The following CDC42BPB variants were observed in gnomAD, a reference collection of about 807,000 sequenced individuals.
CDC42BPB encodes serine/threonine-protein kinase MRCK beta.
CDC42BPB carries 37 observed loss-of-function variants against 214.9 expected under a neutral mutation model. The observed-to-expected ratio is 0.17, with a 90% CI of 0.13 to 0.23. The LOEUF (loss-of-function observed/expected upper bound fraction) is 0.23. Ranked by LOEUF, CDC42BPB falls within the 10% of genes least tolerant of loss-of-function variation. CDC42BPB has a pLI of 1.00. For synonymous variants in CDC42BPB, 931 were observed against 884.0 expected (o/e 1.05, Z -0.94); for missense variants, 1,694 against 2,227.0 (o/e 0.76, Z 4.82).
intron 1 of CDC42BPB, among the ~76,000 whole-genome samples, chr14:103,014,918 G>A (rs764959931): frequency 3.3e-5 from 5 of 152,162 alleles, no homozygotes; most frequent in Non-Finnish European, 4.4e-5. Context: ...GAAGCAGTTC[G>A]CACCAAGGCT....
intron 1 of CDC42BPB, chr14:103,041,679 C>A: frequency 1.8e-6 from 1 of 555,572 alleles, no homozygotes. Context: ...AGGTGCGCAC[C>A]GGCCGCAGCT....
chr14:102,969,246 G>A (rs999912625), intron 14 of CDC42BPB, among the ~76,000 whole-genome samples: 2 of 152,248 alleles, frequency 1.3e-5, no homozygotes, highest in African/African-American at 4.8e-5. Flanking sequence ...GGACGTGTTG[G>A]CAGTGTTTGC....
Position 103,057,058 on chromosome 14 carries a change from G to A in CDC42BPB, c.116C>T (p.Thr39Ile). The A allele has an allele frequency of 6.6e-7, 1 of 1,524,406 alleles. No individual in the cohort carries two copies. 94.4% of individuals were successfully genotyped at this position (1,524,406 alleles called of 1,614,324 possible). A position where few individuals can be genotyped will look rare whatever the true frequency, so the allele number is the denominator to read the frequency against. ...TLLDVLVCLY[T>I]ECSHSALRRD... ...GCGCAGGGCCGAGTGGCTGCACTCG[G>A]TGTACAGGCAGACGAGCACGTCGAG... The change falls in exon 1 of 37, where the codon ACC becomes ATC. Residue 39 changes from threonine to isoleucine, a missense_variant. By Grantham distance (89) the Thr-to-Ile change is moderately conservative. Around this residue, in one of 7 missense-constraint regions of CDC42BPB, gnomAD observed 83 missense variants for 79.9 expected, o/e 1.04. Transcript: ENST00000361246.
At chr14:103,003,819 A>C (rs776222710) in intron 4 of CDC42BPB, 109 bp downstream of exon 4, 34 of 813,998 alleles carry the variant, frequency 4.2e-5, no homozygotes, top group Admixed American at 7.8e-5. Context: ...AGTCCAATAC[A>C]CATTTTTTAA....
chr14:103,016,336 G>A (rs1181169821), intron 1 of CDC42BPB, among the ~76,000 whole-genome samples: 7 of 152,240 alleles, frequency 4.6e-5, no homozygotes, highest in Admixed American at 1.3e-4. Flanking sequence ...GCTGCAAGTC[G>A]TCCTCCCGCC....
At position 102,939,964 on chromosome 14, in the gene CDC42BPB, C is replaced by T. The variant is rs369556425; in HGVS notation, c.4592-17G>A. 8 of 1,613,676 alleles carry T rather than the reference C, an allele frequency of 5.0e-6. No individual in the cohort carries two copies. Among genetic ancestry groups the T allele is most frequent in the East Asian group, 2.2e-5 (1 of 44,884 alleles). ...GAACCGCTCCTGCAGAAGCAGAGCG[C>T]GCGGTGACGGTGCTGCGGCACCAGG... is the stretch of plus-strand genomic sequence containing the variant. On this transcript the variant is annotated splice_polypyrimidine_tract_variant and intron_variant, in intron 32 of 36. Coordinates refer to ENST00000361246, the MANE Select transcript of CDC42BPB (RefSeq NM_006035.4).
At chr14:102,954,794 G>C in intron 21 of CDC42BPB, 106 bp from the exon 22 acceptor site, 1 of 1,485,458 alleles carries the variant, frequency 6.7e-7, no homozygotes, top group Non-Finnish European at 9.0e-7. Context: ...GTCTAGCCCA[G>C]AAGTCCCAGC....
rs530365890 is a variant in CDC42BPB, at chr14:102,981,347, G to A, written c.892-326C>T. On this transcript the variant is annotated intron_variant, in intron 7 of 36. Transcript: ENST00000361246. Reference sequence around the variant, plus strand: ...AGCCCCGTCAGAATGCACAGTGCACGCGTCACGGCAGCTCCGCTTCTGGAA... The same window carrying A: ...AGCCCCGTCAGAATGCACAGTGCACACGTCACGGCAGCTCCGCTTCTGGAA... 5.9e-5 allele frequency among the ~76,000 whole-genome samples: 9 copies of A among 152,342 alleles called. No homozygotes were observed. In the South Asian group the frequency reaches 1.2e-3, roughly 21 times the overall value.
chr14:103,005,715 GTT>G (rs906365341), intron 3 of CDC42BPB, among the ~76,000 whole-genome samples: 2 of 151,132 alleles, frequency 1.3e-5, no homozygotes, highest in African/African-American at 4.9e-5. Flanking sequence ...GAAAAAAAAA[GTT>G]TTTCTTTCAA....
At chr14:102,942,618 C>G (rs1054319178) in intron 30 of CDC42BPB, among the ~76,000 whole-genome samples, 7 of 152,234 alleles carry the variant, frequency 4.6e-5, no homozygotes, top group African/African-American at 1.7e-4. Flanking sequence ...GATCATGGCT[C>G]ACTGCAGCCT....
chr14:102,984,185 G>C (rs532836963), intron 6 of CDC42BPB, among the ~76,000 whole-genome samples: 1 of 152,304 alleles, frequency 6.6e-6, no homozygotes, highest in African/African-American at 2.4e-5. Flanking sequence ...CCCAAACAGT[G>C]CCTCTCCAAT....
intron 1 of CDC42BPB, among the ~76,000 whole-genome samples, chr14:103,014,099 G>A (rs1886319408): frequency 1.3e-5 from 2 of 150,916 alleles, no homozygotes; most frequent in Non-Finnish European, 2.9e-5. Flanking sequence ...CTGGGAGGTG[G>A]AGCTTGCAGT....
intron 20 of CDC42BPB, among the ~76,000 whole-genome samples, chr14:102,961,498 C>A (rs1332895887): frequency 1.3e-5 from 2 of 151,744 alleles, no homozygotes; most frequent in South Asian, 2.1e-4. Flanking sequence ...CCACGCCCAG[C>A]TAATTTTTGT....
intron 2 of CDC42BPB, 57 bp from the exon 3 acceptor site, chr14:103,008,612 G>T: frequency 6.3e-7 from 1 of 1,587,830 alleles, no homozygotes; most frequent in Non-Finnish European, 8.6e-7. Context: ...AGGCTAGCAC[G>T]CTGGAGCTAA....
chr14:103,025,696 T>C (rs1887012749), intron 1 of CDC42BPB, among the ~76,000 whole-genome samples: 1 of 151,594 alleles, frequency 6.6e-6, no homozygotes, highest in African/African-American at 2.4e-5. Flanking sequence ...CACATGCCTA[T>C]AGTCCCAGCT....
Position 102,974,136 on chromosome 14 carries a change from G to A in CDC42BPB, c.1521C>T (p.Leu507=), listed in dbSNP as rs8009219. The A allele has an allele frequency of 1.7e-4, 276 of 1,613,242 alleles. No individual in the cohort carries two copies. The African/African-American group carries it at 2.9e-3, about 17-fold the overall frequency. ...LKNKIADSNR[L]ERQLEDTVAL... The stretch of plus-strand genomic sequence containing the variant: ...CCACTGTGTCCTCAAGCTGTCGCTC[G>A]AGCCTGTTTGAATCTGGACAAAAGA... The change falls in exon 12 of 37, where the codon CTC becomes CTT. Residue 507 remains leucine, a synonymous_variant. Coordinates refer to ENST00000361246, the MANE Select transcript of CDC42BPB (RefSeq NM_006035.4).
chr14:102,965,602 C>G (rs1357228684), intron 18 of CDC42BPB, among the ~76,000 whole-genome samples: 1 of 152,062 alleles, frequency 6.6e-6, no homozygotes, highest in Non-Finnish European at 1.5e-5. Flanking sequence ...AACTGAAAAC[C>G]TTTCATTGAA....
Position 102,939,966 on chromosome 14 carries a change from C to T in CDC42BPB, c.4592-19G>A, listed in dbSNP as rs201479761. ...ACCGCTCCTGCAGAAGCAGAGCGCG[C>T]GGTGACGGTGCTGCGGCACCAGGGA... On this transcript the variant is annotated intron_variant, in intron 32 of 36. Coordinates refer to ENST00000361246, the MANE Select transcript of CDC42BPB (RefSeq NM_006035.4). The T allele has an allele frequency of 1.3e-5, 21 of 1,613,762 alleles. No homozygotes were observed. The highest frequency in any genetic ancestry group is 8.9e-5 in the East Asian group (4 of 44,874).
intron 28 of CDC42BPB, among the ~76,000 whole-genome samples, chr14:102,946,019 T>C (rs890298650): frequency 6.6e-5 from 10 of 151,546 alleles, no homozygotes; most frequent in Non-Finnish European, 1.2e-4. Context: ...GTCATCTGCT[T>C]TTTTTTTGAG....
Sources: allele counts gnomAD v4.1 joint callset (sites outside exome capture counted in the v4.1 genomes callset), GRCh38; gene constraint gnomAD v4.1.1; regional missense constraint gnomAD v4.1.1; transcripts MANE v1.5; gene names NCBI Gene and HGNC (gene_info 2026-07-23, HGNC 2026-07-21).